The following DDIT4 variants were observed in gnomAD, a reference collection of about 807,000 sequenced individuals.
The protein encoded by DDIT4 is DNA damage inducible transcript 4.
A neutral mutation model predicts 20.2 loss-of-function variants in DDIT4; 20 were observed. That is an observed-to-expected ratio of 0.99 (90% CI 0.70 to 1.44). The LOEUF (loss-of-function observed/expected upper bound fraction) is 1.44, where lower values mean the gene tolerates loss of function less well. DDIT4 is among the 40% of genes most tolerant of loss of function. The pLI is 0.00. For synonymous variants in DDIT4, 152 were observed against 144.6 expected, an observed-to-expected ratio of 1.05 and a Z score of -0.37; for missense variants, 316 against 298.1, an observed-to-expected ratio of 1.06 and a Z score of -0.44.
rs1860808164 is a variant in DDIT4, at chr10:72,274,836, G to A, written c.347G>A (p.Arg116His). The A allele has an allele frequency of 6.2e-7, 1 of 1,613,534 alleles. No individual in the cohort carries two copies. The change falls in exon 3 of 3, where the codon CGC (arginine) becomes CAC (histidine). Residue 116 changes from arginine (R) to histidine (H), a missense_variant. Arg to His is a conservative substitution (Grantham distance 29, BLOSUM62 0). Coordinates refer to ENST00000307365, the MANE Select transcript of DDIT4 (RefSeq NM_019058.4). The part of the protein sequence containing the change: ...QARLGSRRPA[R>H]LLMPSQLVSQ... ...CGGCTGGGCTCTCGACGCCCTGCGC[G>A]CCTGCTGATGCCTAGCCAGTTGGTA...
intron 2 of DDIT4, 106 bp from the exon 3 acceptor site, chr10:72,274,589 G>A (rs1860804330): frequency 3.4e-6 from 5 of 1,456,082 alleles, no homozygotes; most frequent in Non-Finnish European, 3.7e-6. Context: ...ACTGAGGCAC[G>A]GAGTGGGAAG....
At position 72,274,676 on chromosome 10, in the gene DDIT4, T is replaced by G; in HGVS notation, c.206-19T>G. The G allele has an allele frequency of 6.3e-7, 1 of 1,594,460 alleles. No individual in the cohort carries two copies. The highest frequency in any genetic ancestry group is 2.2e-5 in the East Asian group (1 of 44,600). ...TTGAAGCCGCTCTAATACCCCTTCC[T>G]GTGTGCTCTCCTTTCCAGACACGGC... On this transcript the variant is annotated intron_variant, in intron 2 of 2. Coordinates refer to ENST00000307365, the MANE Select transcript of DDIT4 (RefSeq NM_019058.4).
At chr10:72,274,527 C>T in intron 2 of DDIT4, 106 bp downstream of exon 2, 1 of 1,416,898 alleles carries the variant, frequency 7.1e-7, no homozygotes, top group Non-Finnish European at 9.4e-7. Flanking sequence ...CCATCGGGAC[C>T]CAGATTGCTT....
intron 1 of DDIT4, 43 bp from the exon 2 acceptor site, chr10:72,274,114 G>GTCTGT (rs1291261562): frequency 1.1e-6 from 1 of 928,134 alleles, no homozygotes; most frequent in Admixed American, 1.7e-5. Flanking sequence ...GTCTGGTCTG[G>GTCTGT]TCCCCAGACT....
chr10:72,275,195 A>T lies in DDIT4; in HGVS notation c.*7A>T, dbSNP rs1358766386. On this transcript the variant is annotated 3_prime_UTR_variant, in exon 3 of 3. Transcript: ENST00000307365. The stretch of plus-strand genomic sequence containing the variant: ...GCTCATTGAGGAGTGTTGAACTTCA[A>T]CCTGAGGGGGCCGACAGTGCCCTCC... The T allele has an allele frequency of 1.9e-6, 3 of 1,602,436 alleles. No homozygotes were observed. The highest frequency in any genetic ancestry group is 1.7e-5 in the Admixed American group (1 of 59,434).
chr10:72,275,589 G>C lies in DDIT4; in HGVS notation c.*401G>C. On this transcript the variant is annotated 3_prime_UTR_variant, in exon 3 of 3. Coordinates refer to ENST00000307365, the MANE Select transcript of DDIT4 (RefSeq NM_019058.4). The stretch of plus-strand genomic sequence containing the variant: ...GTGCTCCTCAGAGCAGCCGGAGGGA[G>C]GGGGGAGGTCGGAGGTCGTGGAGGT... 5.0e-6 allele frequency: 1 copy of C among 198,566 alleles called. No homozygotes were observed. The highest frequency in any genetic ancestry group is 1.0e-5 in the Non-Finnish European group (1 of 95,338). The allele number at this position is 198,566 out of a possible 1,614,324, so 12.3% of individuals were successfully genotyped here. A position where few individuals can be genotyped will look rare whatever the true frequency, so the allele number is the denominator to read the frequency against.
intron 2 of DDIT4, 71 bp downstream of exon 2, chr10:72,274,492 G>T: frequency 4.1e-6 from 6 of 1,464,750 alleles, no homozygotes; most frequent in Non-Finnish European, 4.5e-6. Context: ...GCTGGAAGGG[G>T]TCAGAGCCGC....
chr10:72,273,996 T>TCA lies in DDIT4; in HGVS notation c.-125_-124insCA. On this transcript the variant is annotated 5_prime_UTR_variant, in exon 1 of 3. Coordinates refer to ENST00000307365, the MANE Select transcript of DDIT4 (RefSeq NM_019058.4). ...GGCGGCTCTCGGTGGTTGGCACGGG[T>TCA]TCGCACACCCATTCAAGCGGCAGGA... 1.7e-5 allele frequency: 6 copies of TCA among 350,396 alleles called. No individual in the cohort carries two copies. Among genetic ancestry groups the TCA allele is most frequent in the South Asian group, 8.5e-5 (1 of 11,780 alleles). 21.7% of individuals were successfully genotyped at this position (350,396 alleles called of 1,614,324 possible).
chr10:72,274,081 T>G, intron 1 of DDIT4, 21 bp downstream of exon 1: 1 of 726,306 alleles, frequency 1.4e-6, no homozygotes, highest in East Asian at 2.5e-5. Context: ...CTTCTGTGTG[T>G]GGGTCCTAGA....
Position 72,274,327 on chromosome 10 carries a change from G to A in DDIT4, c.111G>A (p.Ala37=), listed in dbSNP as rs1860800127. The A allele has an allele frequency of 1.2e-6, 2 of 1,612,176 alleles. No individual in the cohort carries two copies. The highest frequency in any genetic ancestry group is 8.5e-7 in the Non-Finnish European group (1 of 1,179,944). Residue 37 remains alanine, a synonymous_variant, in exon 2 of 3, where the codon GCG becomes GCA. Coordinates refer to ENST00000307365, the MANE Select transcript of DDIT4 (RefSeq NM_019058.4). The part of the protein sequence containing the change: ...DRPPRSAWGS[A]TREEGFDRST... The stretch of plus-strand genomic sequence containing the variant: ...CGCCGCGCTCAGCCTGGGGGTCGGC[G>A]ACCCGGGAGGAGGGGTTTGACCGCT...
At position 72,274,813 on chromosome 10, in the gene DDIT4, G is replaced by A. The variant is rs1245253789; in HGVS notation, c.324G>A (p.Arg108=). Residue 108 remains arginine, a synonymous_variant, in exon 3 of 3, where the codon CGG becomes CGA. Coordinates refer to ENST00000307365, the MANE Select transcript of DDIT4 (RefSeq NM_019058.4). ...QLLQESLAQA[R]LGSRRPARLL... is the part of the protein sequence containing the mutation. ...TGCAGGAGAGCCTGGCCCAGGCGCG[G>A]CTGGGCTCTCGACGCCCTGCGCGCC... The A allele has an allele frequency of 1.9e-6, 3 of 1,613,750 alleles. No homozygotes were observed. Among genetic ancestry groups the A allele is most frequent in the Non-Finnish European group, 2.5e-6 (3 of 1,180,026 alleles).
Position 72,275,162 on chromosome 10 carries a change from G to T in DDIT4, c.673G>T (p.Glu225Ter), listed in dbSNP as rs761965364. The change falls in exon 3 of 3, where the codon GAA becomes TAA. Residue 225 changes from glutamate to a stop codon, truncating the protein, a stop_gained. Coordinates refer to ENST00000307365, the MANE Select transcript of DDIT4 (RefSeq NM_019058.4). LOFTEE classifies it high-confidence loss of function. ...CATCAAGAAGAAGCTGTACAGCTCG[G>T]AACAGCTGCTCATTGAGGAGTGTTG... ...RVIKKKLYSS[E>*]QLLIEEC 1.2e-6 allele frequency: 2 copies of T among 1,611,730 alleles called. No homozygotes were observed. The highest frequency in any genetic ancestry group is 1.3e-5 in the African/African-American group (1 of 74,944).
chr10:72,274,120 A>G, intron 1 of DDIT4, 37 bp from the exon 2 acceptor site: 1 of 985,764 alleles, frequency 1.0e-6, no homozygotes, highest in Non-Finnish European at 1.6e-6. Context: ...TCTGGTCCCC[A>G]GACTGACGCC....
intron 2 of DDIT4, 26 bp from the exon 3 acceptor site, chr10:72,274,669 C>T (rs1860805382): frequency 6.3e-7 from 1 of 1,586,852 alleles, no homozygotes; most frequent in Admixed American, 1.8e-5. Flanking sequence ...GCTCTAATAC[C>T]CCTTCCTGTG....
chr10:72,274,345 T>G lies in DDIT4; in HGVS notation c.129T>G (p.Phe43Leu). Residue 43 changes from phenylalanine (F) to leucine (L), a missense_variant, in exon 2 of 3, where the codon TTT (phenylalanine) becomes TTG (leucine). Phe to Leu is a conservative substitution (Grantham distance 22). Transcript: ENST00000307365. ...GGTCGGCGACCCGGGAGGAGGGGTT[T>G]GACCGCTCCACGAGCCTGGAGAGCT... ...AWGSATREEG[F>L]DRSTSLESSD... 3 of 1,611,666 alleles carry G rather than the reference T, an allele frequency of 1.9e-6. No individual in the cohort carries two copies. The highest frequency in any genetic ancestry group is 2.5e-6 in the Non-Finnish European group (3 of 1,179,858).
At chr10:72,274,494 C>A in intron 2 of DDIT4, 73 bp downstream of exon 2, 1 of 1,460,212 alleles carries the variant, frequency 6.8e-7, no homozygotes, top group South Asian at 1.3e-5. Context: ...TGGAAGGGGT[C>A]AGAGCCGCCT....
rs989253038 is a variant in DDIT4, at chr10:72,273,961, G to C, written c.-160G>C. The C allele has an allele frequency of 1.8e-6, 1 of 547,970 alleles. No homozygotes were observed. The highest frequency in any genetic ancestry group is 3.2e-5 in the East Asian group (1 of 30,988). The allele number at this position is 547,970 out of a possible 1,614,324, so 33.9% of individuals were successfully genotyped here. A position where few individuals can be genotyped will look rare whatever the true frequency, so the allele number is the denominator to read the frequency against. On this transcript the variant is annotated 5_prime_UTR_variant, in exon 1 of 3. Coordinates refer to ENST00000307365, the MANE Select transcript of DDIT4 (RefSeq NM_019058.4). ...GGGGGAGGTGCGAGCGTGGACCTGG[G>C]ACGGGTCTGGGCGGCTCTCGGTGGT...
In DDIT4 at chr10:72,274,263, C is replaced by A. The variant is rs776692483; in HGVS notation, c.47C>A (p.Ser16Ter). ...DRFSSSSTSS[S>*]PSSLPRTPTP... is the part of the protein sequence containing the mutation. ...TTCTCGTCGTCGTCCACCTCCTCTTCGCCCTCGTCCTTGCCCCGAACTCCC... is the reference window on the plus strand; with the variant it reads ...TTCTCGTCGTCGTCCACCTCCTCTTAGCCCTCGTCCTTGCCCCGAACTCCC... Residue 16 changes from serine to a stop codon, truncating the protein, a stop_gained, in exon 2 of 3, where the codon TCG (serine) becomes TAG (stop). Coordinates refer to ENST00000307365, the MANE Select transcript of DDIT4 (RefSeq NM_019058.4). LOFTEE classifies it high-confidence loss of function. The A allele has an allele frequency of 1.9e-6, 3 of 1,613,760 alleles. No homozygotes were observed. Among genetic ancestry groups the A allele is most frequent in the Non-Finnish European group, 2.5e-6 (3 of 1,179,948 alleles).
At position 72,275,360 on chromosome 10, in the gene DDIT4, T is replaced by A. The variant is rs1443249149; in HGVS notation, c.*172T>A. On this transcript the variant is annotated 3_prime_UTR_variant, in exon 3 of 3. Coordinates refer to ENST00000307365, the MANE Select transcript of DDIT4 (RefSeq NM_019058.4). Reference sequence around the variant, plus strand: ...TTCCCAGGAAGCTCATTGAGTTGTGTGCGGGTGGCTGTGCATTGGGGACAC... The same window carrying A: ...TTCCCAGGAAGCTCATTGAGTTGTGAGCGGGTGGCTGTGCATTGGGGACAC... The A allele has an allele frequency of 2.8e-6, 2 of 716,602 alleles. No individual in the cohort carries two copies. Among genetic ancestry groups the A allele is most frequent in the East Asian group, 5.4e-5 (2 of 36,916 alleles). The allele number at this position is 716,602 out of a possible 1,614,324, so 44.4% of individuals were successfully genotyped here.
Sources: gnomAD v4.1 joint callset for allele counts on GRCh38, gnomAD v4.1.1 for gene constraint, MANE v1.5 for transcripts, NCBI Gene and HGNC (gene_info 2026-07-23, HGNC 2026-07-21) for gene names.